The following ARHGAP15 variants were observed in gnomAD, a reference collection of about 807,000 sequenced individuals.
ARHGAP15 encodes the protein Rho GTPase activating protein 15, also known as rho GTPase-activating protein 15.
A neutral mutation model predicts 63.7 loss-of-function variants in ARHGAP15; 51 were observed. The observed-to-expected ratio is 0.80, with a 90% confidence interval of 0.64 to 1.01. The LOEUF (loss-of-function observed/expected upper bound fraction) is 1.01. Among genes scored for constraint, ARHGAP15 ranks in the 50% least tolerant of loss-of-function variants. ARHGAP15 has a pLI of 0.00. For missense variants in ARHGAP15, 560 were observed against 564.6 expected, an observed-to-expected ratio of 0.99 and a Z score of 0.08; for synonymous variants, 191 against 193.8, an observed-to-expected ratio of 0.99 and a Z score of 0.12.
At position 143,444,502 on chromosome 2, in the gene ARHGAP15, CATT is replaced by C. The variant is rs1309047831; in HGVS notation, c.703+7464_703+7466del. Among the ~76,000 whole-genome samples, 10 of 152,280 alleles carry C rather than the reference CATT, an allele frequency of 6.6e-5. No individual in the cohort carries two copies. In the East Asian group the frequency reaches 1.9e-3, roughly 29 times the overall value. On this transcript the variant is annotated intron_variant, in intron 8 of 13. Transcript: ENST00000295095. ...CAGTGAATCCATGTGCAGAGCAAAA[CATT>C]ATTTTGAATGCAAATGATCACCTCT...
chr2:143,629,880 A>G (rs1698995270), intron 12 of ARHGAP15, among the ~76,000 whole-genome samples: 1 of 152,188 alleles, frequency 6.6e-6, no homozygotes, highest in African/African-American at 2.4e-5. Context: ...TTAGTAAGCT[A>G]TTTAAAAAGA....
At chr2:143,674,550 G>T (rs1682729262) in intron 12 of ARHGAP15, among the ~76,000 whole-genome samples, 1 of 152,146 alleles carries the variant, frequency 6.6e-6, no homozygotes, top group South Asian at 2.1e-4. Context: ...TGTTGGTTAT[G>T]TGAGGGCCTA....
intron 2 of ARHGAP15, among the ~76,000 whole-genome samples, chr2:143,160,216 A>G (rs995768423): frequency 2.0e-5 from 3 of 151,966 alleles, no homozygotes; most frequent in Admixed American, 6.6e-5. Flanking sequence ...CTAGACACAC[A>G]CAAATATAAT....
At chr2:143,514,429 T>C (rs1288691352) in intron 9 of ARHGAP15, among the ~76,000 whole-genome samples, 1 of 152,212 alleles carries the variant, frequency 6.6e-6, no homozygotes, top group African/African-American at 2.4e-5. Context: ...CTCCTGAGGA[T>C]TGAAATTAAA....
rs560248243 is a variant in ARHGAP15, at chr2:143,410,773, A to G, written c.475-24828A>G. ...AAATAGGGTGGCCAGAGAAGGCCTC[A>G]GAAAGGTGACATTTGAGTAAAATCT... is the stretch of plus-strand genomic sequence containing the variant. On this transcript the variant is annotated intron_variant, in intron 6 of 13. Coordinates refer to ENST00000295095, the MANE Select transcript of ARHGAP15 (RefSeq NM_018460.4). Among the ~76,000 whole-genome samples, 52 of 152,118 alleles carry G rather than the reference A, an allele frequency of 3.4e-4. 1 individual carries two copies. The highest frequency in any genetic ancestry group is 1.1e-3 in the African/African-American group (47 of 41,526).
At chr2:143,547,902 G>A (rs565873699) in intron 10 of ARHGAP15, among the ~76,000 whole-genome samples, 18 of 151,850 alleles carry the variant, frequency 1.2e-4, no homozygotes, top group Non-Finnish European at 1.8e-4. Context: ...CCTCCCACAC[G>A]TCTCCCTACC....
intron 10 of ARHGAP15, among the ~76,000 whole-genome samples, chr2:143,519,866 A>C (rs1304200768): frequency 6.6e-6 from 1 of 152,202 alleles, no homozygotes; most frequent in East Asian, 1.9e-4. Context: ...ACACCTCAAA[A>C]GATGACCTTT....
chr2:143,680,053 G>GAAAAAAAAAAAAAAAAAAAAA (rs1683030711), intron 12 of ARHGAP15, among the ~76,000 whole-genome samples: 1 of 127,972 alleles, frequency 7.8e-6, no homozygotes, highest in African/African-American at 3.7e-5. Flanking sequence ...AAAAAAAAAG[G>GAAAAAAAAAAAAAAAAAAAAA]AAAAAAATGG....
chr2:143,507,628 A>G (rs573876813), intron 9 of ARHGAP15, among the ~76,000 whole-genome samples: 2 of 152,220 alleles, frequency 1.3e-5, no homozygotes, highest in Non-Finnish European at 2.9e-5. Context: ...TTCCAAACTT[A>G]AAACATCAGT....
At chr2:143,606,523 G>A (rs750024601) in intron 11 of ARHGAP15, among the ~76,000 whole-genome samples, 10 of 152,090 alleles carry the variant, frequency 6.6e-5, no homozygotes, top group Non-Finnish European at 1.0e-4. Context: ...TGATCTCTGC[G>A]TGCACTCAGC....
chr2:143,747,080 G>C lies in ARHGAP15; in HGVS notation c.1245-20909G>C, dbSNP rs190947526. ...TCAGAATCACCACTGGGGCCTGTCAGGGGGTGGGGAGAAAGGGGAGGAAGA... is the reference window on the plus strand; with the variant it reads ...TCAGAATCACCACTGGGGCCTGTCACGGGGTGGGGAGAAAGGGGAGGAAGA... On this transcript the variant is annotated intron_variant, in intron 13 of 13. Transcript: ENST00000295095. Among the ~76,000 whole-genome samples, 21 of 152,090 alleles carry C rather than the reference G, an allele frequency of 1.4e-4. No individual in the cohort carries two copies. In the East Asian group the frequency reaches 3.9e-3, roughly 28 times the overall value.
intron 10 of ARHGAP15, among the ~76,000 whole-genome samples, chr2:143,537,953 T>G (rs1156673568): frequency 6.6e-6 from 1 of 152,140 alleles, no homozygotes; most frequent in African/African-American, 2.4e-5. Flanking sequence ...GCATTGAATC[T>G]ATAAATTACC....
chr2:143,596,668 C>A lies in ARHGAP15; in HGVS notation c.1004-27465C>A, dbSNP rs529089438. The stretch of plus-strand genomic sequence containing the variant: ...ACTAGCATTTGTATTAACCCTTACC[C>A]AAATGGTTATCCTTACTTGTATTTA... On this transcript the variant is annotated intron_variant, in intron 11 of 13. Coordinates refer to ENST00000295095, the MANE Select transcript of ARHGAP15 (RefSeq NM_018460.4). Among the ~76,000 whole-genome samples the A allele has an allele frequency of 5.9e-5, 9 of 152,052 alleles. No homozygotes were observed. In the South Asian group the frequency reaches 1.7e-3, roughly 28 times the overall value.
intron 9 of ARHGAP15, among the ~76,000 whole-genome samples, chr2:143,515,348 T>G (rs540649042): frequency 6.6e-6 from 1 of 152,298 alleles, no homozygotes; most frequent in East Asian, 1.9e-4. Flanking sequence ...AAAAATGACT[T>G]CTTTCATATG....
chr2:143,330,562 CAAAG>C (rs1393908573), intron 6 of ARHGAP15, among the ~76,000 whole-genome samples: 1 of 152,082 alleles, frequency 6.6e-6, no homozygotes, highest in Non-Finnish European at 1.5e-5. Context: ...TGTATAAAGG[CAAAG>C]AAACCTAGTG....
At chr2:143,335,281 C>A (rs1362077864) in intron 6 of ARHGAP15, among the ~76,000 whole-genome samples, 1 of 152,200 alleles carries the variant, frequency 6.6e-6, no homozygotes, top group East Asian at 1.9e-4. Flanking sequence ...CCTCCTTCAA[C>A]TTTCTAAATT....
At chr2:143,133,855 C>T (rs1053038435) in intron 1 of ARHGAP15, among the ~76,000 whole-genome samples, 1 of 152,014 alleles carries the variant, frequency 6.6e-6, no homozygotes, top group African/African-American at 2.4e-5. Flanking sequence ...TATATATATG[C>T]ACATCTATGT....
Position 143,205,585 on chromosome 2 carries a change from G to A in ARHGAP15, c.234+3383G>A, listed in dbSNP as rs974498938. ...TCACTTCCAAGCTTGTGATACACAG[G>A]TCTATGCTTGTAACCTTTCTCTCCT... On this transcript the variant is annotated intron_variant, in intron 3 of 13. Transcript: ENST00000295095. Among the ~76,000 whole-genome samples, 7 of 152,052 alleles carry A rather than the reference G, an allele frequency of 4.6e-5. No homozygotes were observed. In the East Asian group the frequency reaches 7.7e-4, roughly 17 times the overall value.
At chr2:143,627,057 A>G (rs1698862171) in intron 12 of ARHGAP15, among the ~76,000 whole-genome samples, 1 of 152,172 alleles carries the variant, frequency 6.6e-6, no homozygotes, top group South Asian at 2.1e-4. Flanking sequence ...GTTGCCATCT[A>G]TTAGCCAGAG....
Sources: gnomAD v4.1 joint callset for allele counts (sites outside exome capture counted in the v4.1 genomes callset) on GRCh38, gnomAD v4.1.1 for gene constraint, MANE v1.5 for transcripts, NCBI Gene and HGNC (gene_info 2026-07-23, HGNC 2026-07-21) for gene names.